COX7B2: variants seen among roughly 807,000 people sequenced by gnomAD.
COX7B2 encodes the protein cytochrome c oxidase subunit 7B2, mitochondrial.
For missense variants in COX7B2, 109 were observed against 95.9 expected, an observed-to-expected ratio of 1.14 and a Z score of -0.57; for synonymous variants, 37 against 32.1, an observed-to-expected ratio of 1.15 and a Z score of -0.51.
chr4:46,754,647 A>C (rs1203241188), intron 2 of COX7B2, among the ~76,000 whole-genome samples: 1 of 145,910 alleles, frequency 6.9e-6, no homozygotes, highest in Non-Finnish European at 1.5e-5. Context: ...ATATGTAACA[A>C]ACCTACAATT....
intron 2 of COX7B2, among the ~76,000 whole-genome samples, chr4:46,760,465 C>G (rs62305169): frequency 0.33 from 49,717 of 151,858 alleles, 8,395 homozygotes; most frequent in South Asian, 0.47. Flanking sequence ...GAACAGAAAA[C>G]CAAATATTGC....
chr4:46,789,541 A>T (rs1717928076), intron 2 of COX7B2, among the ~76,000 whole-genome samples: 1 of 152,210 alleles, frequency 6.6e-6, no homozygotes, highest in Admixed American at 6.5e-5. Flanking sequence ...TAGTTGGCAT[A>T]TTACTGTTCA....
At chr4:46,738,545 C>A (rs1240358346) in intron 2 of COX7B2, among the ~76,000 whole-genome samples, 1 of 151,986 alleles carries the variant, frequency 6.6e-6, no homozygotes, top group Non-Finnish European at 1.5e-5. Context: ...TTATCTTTAT[C>A]TTTATAAAAT....
intron 2 of COX7B2, among the ~76,000 whole-genome samples, chr4:46,787,476 C>T (rs535246797): frequency 2.0e-5 from 3 of 151,988 alleles, no homozygotes; most frequent in African/African-American, 4.8e-5. Flanking sequence ...AAAAAAGATA[C>T]ATGTGACAGC....
At chr4:46,893,832 A>G (rs894565498) in intron 1 of COX7B2, among the ~76,000 whole-genome samples, 15 of 152,166 alleles carry the variant, frequency 9.9e-5, no homozygotes, top group Non-Finnish European at 1.3e-4. Flanking sequence ...ATATAGTTTT[A>G]AAAAATGTGA....
intron 1 of COX7B2, among the ~76,000 whole-genome samples, chr4:46,862,011 C>T (rs1253910259): frequency 2.0e-5 from 3 of 152,164 alleles, no homozygotes; most frequent in Non-Finnish European, 4.4e-5. Flanking sequence ...AGACCCCTGA[C>T]TTGATGGACA....
chr4:46,829,299 G>A (rs576934335), intron 2 of COX7B2, among the ~76,000 whole-genome samples: 181 of 152,138 alleles, frequency 1.2e-3, no homozygotes, highest in African/African-American at 4.1e-3. Context: ...ATCATTTAAT[G>A]ACCATGGAAT....
At chr4:46,814,607 G>T (rs1015983818) in intron 2 of COX7B2, among the ~76,000 whole-genome samples, 1 of 152,104 alleles carries the variant, frequency 6.6e-6, no homozygotes, top group East Asian at 1.9e-4. Flanking sequence ...TATATGTAAA[G>T]TAAGAGTTAT....
chr4:46,821,084 C>T (rs1016464660), intron 2 of COX7B2, among the ~76,000 whole-genome samples: 15 of 152,054 alleles, frequency 9.9e-5, no homozygotes, highest in African/African-American at 3.1e-4. Context: ...ACCACTTCTG[C>T]GTTTCGTATC....
chr4:46,889,102 A>G (rs1014056940), intron 1 of COX7B2, among the ~76,000 whole-genome samples: 1 of 152,270 alleles, frequency 6.6e-6, no homozygotes, highest in East Asian at 1.9e-4. Context: ...AAATATATAC[A>G]CCTATTATGT....
At chr4:46,754,716 G>GTA (rs1327856395) in intron 2 of COX7B2, among the ~76,000 whole-genome samples, 14 of 21,854 alleles carry the variant, frequency 6.4e-4, no homozygotes, top group African/African-American at 3.1e-3. Context: ...GTGTGTGTGT[G>GTA]TGTGTGTGTG....
At chr4:46,736,717 C>T (rs1243183213) in intron 2 of COX7B2, among the ~76,000 whole-genome samples, 2 of 152,086 alleles carry the variant, frequency 1.3e-5, no homozygotes, top group East Asian at 3.9e-4. Context: ...TACAGTATAC[C>T]TGTTCAGACT....
At chr4:46,784,101 T>G (rs1194650744) in intron 2 of COX7B2, among the ~76,000 whole-genome samples, 5 of 152,180 alleles carry the variant, frequency 3.3e-5, no homozygotes, top group Admixed American at 1.3e-4. Flanking sequence ...GTCACAACTC[T>G]GCTATATAAC....
At chr4:46,743,865 T>A (rs541341366) in intron 2 of COX7B2, among the ~76,000 whole-genome samples, 1 of 152,326 alleles carries the variant, frequency 6.6e-6, no homozygotes, top group East Asian at 1.9e-4. Context: ...TACATCACTG[T>A]ACTCATTTCC....
intron 2 of COX7B2, among the ~76,000 whole-genome samples, chr4:46,769,816 AC>A (rs1716768631): frequency 6.6e-6 from 1 of 152,184 alleles, no homozygotes; most frequent in African/African-American, 2.4e-5. Context: ...GATAAAAAAA[AC>A]AAATTAGGTA....
At chr4:46,859,368 AG>A (rs1223780362) in intron 1 of COX7B2, among the ~76,000 whole-genome samples, 1 of 152,184 alleles carries the variant, frequency 6.6e-6, no homozygotes, top group Non-Finnish European at 1.5e-5. Context: ...CACAGATTTT[AG>A]GGGTCAGATA....
intron 2 of COX7B2, among the ~76,000 whole-genome samples, chr4:46,764,813 T>C (rs1467944485): frequency 6.6e-6 from 1 of 150,906 alleles, no homozygotes; most frequent in African/African-American, 2.4e-5. Context: ...CTGTAATAGA[T>C]ACACCAAACA....
chr4:46,738,529 T>G (rs915045970), intron 2 of COX7B2, among the ~76,000 whole-genome samples: 3 of 152,090 alleles, frequency 2.0e-5, no homozygotes, highest in African/African-American at 7.2e-5. Context: ...TGCCTTCAGA[T>G]CTATCTTATC....
chr4:46,846,474 G>A (rs1437115813), intron 1 of COX7B2, among the ~76,000 whole-genome samples: 1 of 151,880 alleles, frequency 6.6e-6, no homozygotes, highest in Non-Finnish European at 1.5e-5. Flanking sequence ...GGTGAATAGG[G>A]TAGGACTCAT....
Sources: allele counts gnomAD v4.1 joint callset (sites outside exome capture counted in the v4.1 genomes callset), GRCh38; gene constraint gnomAD v4.1.1; transcripts MANE v1.5; gene names NCBI Gene and HGNC (gene_info 2026-07-23, HGNC 2026-07-21).